The following NUP153 variants were observed in gnomAD, a reference collection of about 807,000 sequenced individuals.
The protein encoded by NUP153 is nucleoporin 153.
Under a neutral mutation model 134.6 loss-of-function variants are expected in NUP153, and 27 were observed. The observed-to-expected ratio is 0.20, with a 90% CI of 0.15 to 0.28. The LOEUF is 0.28. Ranked by LOEUF, NUP153 falls within the 10% of genes least tolerant of loss-of-function variation. NUP153 has a pLI of 1.00. For missense variants in NUP153, 1,821 were observed against 1,731.3 expected (o/e 1.05, Z -0.92); for synonymous variants, 640 against 623.5 (o/e 1.03, Z -0.40).
intron 1 of NUP153, among the ~76,000 whole-genome samples, chr6:17,695,005 A>G (rs1380457233): frequency 6.6e-6 from 1 of 151,862 alleles, no homozygotes; most frequent in Non-Finnish European, 1.5e-5. Flanking sequence ...AGAGAGTGGG[A>G]AGTACTATGG....
In NUP153 at chr6:17,706,077, G is replaced by A. The variant is rs767353244; in HGVS notation, c.111+200C>T. Among the ~76,000 whole-genome samples, 22 of 152,164 alleles carry A rather than the reference G, an allele frequency of 1.4e-4. No homozygotes were observed. Among genetic ancestry groups the A allele is most frequent in the Non-Finnish European group, 2.5e-4 (17 of 68,018 alleles). The stretch of plus-strand genomic sequence containing the variant: ...GGGGGAAAGGCGGCCCAAACCACAC[G>A]TGTGCGCCGCAAGGCTGGGCCTGTC... On this transcript the variant is annotated intron_variant, in intron 1 of 21. Coordinates refer to ENST00000262077, the MANE Select transcript of NUP153 (RefSeq NM_005124.4). This position sits in a 1 kb window ranked among gnomAD's most constrained non-coding sequence, Gnocchi z 5.9.
rs1561856596 is a variant in NUP153 at position 17,628,982 on chromosome 6, C to T, written c.3217G>A (p.Glu1073Lys). The T allele has an allele frequency of 1.2e-6, 2 of 1,614,062 alleles. No individual in the cohort carries two copies. The highest frequency in any genetic ancestry group is 8.5e-7 in the Non-Finnish European group (1 of 1,180,016). ...CCTCCTTTGGTGGCAGGCATTTCTT[C>T]TTTTTTAGCTTCTGATGTCTTACAT... Reference protein sequence around the residue: ...FTCKTSEAKKEEMPATKGGFS... With the variant: ...FTCKTSEAKKKEMPATKGGFS... The change falls in exon 18 of 22, where the codon GAA becomes AAA. Residue 1073 changes from glutamate to lysine, a missense_variant. Transcript: ENST00000262077. The surrounding 1 kb of genome is among the most constrained non-coding windows in gnomAD (Gnocchi z 5.4).
rs1349746993 is a variant in NUP153, at chr6:17,615,545, CT to C, written c.*551del. On this transcript the variant is annotated 3_prime_UTR_variant, in exon 22 of 22. Coordinates refer to ENST00000262077, the MANE Select transcript of NUP153 (RefSeq NM_005124.4). This position sits in a 1 kb window ranked among gnomAD's most constrained non-coding sequence, Gnocchi z 5.7. ...GAGAGTGAACTAGATCTAACAAGTCCTTAGCACGGACCATTCTTTAATCAGG... is the reference window on the plus strand; with the variant it reads ...GAGAGTGAACTAGATCTAACAAGTCCTAGCACGGACCATTCTTTAATCAGG... 1 of 152,586 alleles carries C rather than the reference CT, an allele frequency of 6.6e-6. No homozygotes were observed. The highest frequency in any genetic ancestry group is 1.5e-5 in the Non-Finnish European group (1 of 68,052). 9.5% of individuals were successfully genotyped at this position (152,586 alleles called of 1,614,324 possible). A position where few individuals can be genotyped will look rare whatever the true frequency, so the allele number is the denominator to read the frequency against.
intron 9 of NUP153, among the ~76,000 whole-genome samples, chr6:17,663,845 T>G (rs981656933): frequency 6.6e-6 from 1 of 152,178 alleles, no homozygotes; most frequent in African/African-American, 2.4e-5. Context: ...GGACATTTTA[T>G]AAGACAACTG....
chr6:17,702,518 C>CA (rs762457655), intron 1 of NUP153, among the ~76,000 whole-genome samples: 106 of 149,826 alleles, frequency 7.1e-4, no homozygotes, highest in Non-Finnish European at 1.3e-3. Context: ...AAAAACAAAA[C>CA]AAAAAAAATC....
At chr6:17,669,863 G>A (rs1767787403) in intron 5 of NUP153, among the ~76,000 whole-genome samples, 1 of 151,946 alleles carries the variant, frequency 6.6e-6, no homozygotes, top group African/African-American at 2.4e-5. Context: ...GGAGGTGTGA[G>A]GAGGGCGGAC....
At chr6:17,685,417 C>T (rs1284451378) in intron 2 of NUP153, among the ~76,000 whole-genome samples, 3 of 151,938 alleles carry the variant, frequency 2.0e-5, no homozygotes, top group Non-Finnish European at 4.4e-5. Context: ...GGCCTGGTGG[C>T]GGGCACCTGC....
At chr6:17,623,082 A>G (rs1359603001) in intron 20 of NUP153, among the ~76,000 whole-genome samples, 2 of 151,448 alleles carry the variant, frequency 1.3e-5, no homozygotes, top group Admixed American at 1.3e-4. Flanking sequence ...GTGAGCGGAG[A>G]TCAAGCCACT....
intron 1 of NUP153, among the ~76,000 whole-genome samples, chr6:17,694,830 G>T (rs1041165966): frequency 2.6e-5 from 4 of 151,710 alleles, no homozygotes; most frequent in African/African-American, 9.7e-5. Context: ...TAAAAAAAAA[G>T]TAGCCGGGCA....
In NUP153 at chr6:17,653,036, T is replaced by A. The variant is rs150398806; in HGVS notation, c.1396-3736A>T. On this transcript the variant is annotated intron_variant, in intron 11 of 21. Coordinates refer to ENST00000262077, the MANE Select transcript of NUP153 (RefSeq NM_005124.4). Reference sequence around the variant, plus strand: ...GGTAGGCCGAGGCGGGTGGACTGCCTTAGCTCAGGAGTTTGAGACCAGCCT... The same window carrying A: ...GGTAGGCCGAGGCGGGTGGACTGCCATAGCTCAGGAGTTTGAGACCAGCCT... Among the ~76,000 whole-genome samples, 885 of 152,162 alleles carry A rather than the reference T, an allele frequency of 5.8e-3. 3 individuals carry two copies. The highest frequency in any genetic ancestry group is 0.01 in the Middle Eastern group (3 of 294).
In NUP153 at chr6:17,628,625, T is replaced by A. The variant is rs539204106; in HGVS notation, c.3544+30A>T. On this transcript the variant is annotated intron_variant, in intron 18 of 21. Coordinates refer to ENST00000262077, the MANE Select transcript of NUP153 (RefSeq NM_005124.4). This position sits in a 1 kb window ranked among gnomAD's most constrained non-coding sequence, Gnocchi z 5.4. ...CGACAACTTGTAAAAAAAAAAATAA[T>A]AATAATAATAATAAAAAGTTAATAC... is the stretch of plus-strand genomic sequence containing the variant. 13,422 of 1,163,204 alleles carry A rather than the reference T, an allele frequency of 0.012. 99 individuals carry two copies. Among genetic ancestry groups the A allele is most frequent in the Non-Finnish European group, 0.013 (12,027 of 920,178 alleles). The allele number at this position is 1,163,204 out of a possible 1,614,324, so 72.1% of individuals were successfully genotyped here.
intron 20 of NUP153, among the ~76,000 whole-genome samples, chr6:17,620,185 C>G (rs1451970055): frequency 2.1e-5 from 3 of 146,054 alleles, no homozygotes; most frequent in Non-Finnish European, 4.5e-5. Flanking sequence ...ATAGCTAAAG[C>G]AATCCTGAGC....
In NUP153 at chr6:17,640,065, C is replaced by T. The variant is rs940811696; in HGVS notation, c.1721-1G>A. 1.9e-6 allele frequency: 3 copies of T among 1,540,614 alleles called. No individual in the cohort carries two copies. The highest frequency in any genetic ancestry group is 2.6e-6 in the Non-Finnish European group (3 of 1,147,246). On this transcript the variant is annotated splice_acceptor_variant, in intron 14 of 21. Coordinates refer to ENST00000262077, the MANE Select transcript of NUP153 (RefSeq NM_005124.4). LOFTEE classifies it high-confidence loss of function. ...CTGTTCACTGTAGTGACATGATGAGCTGTAATTTTTTTAAATTTAATAACA... is the reference window on the plus strand; with the variant it reads ...CTGTTCACTGTAGTGACATGATGAGTTGTAATTTTTTTAAATTTAATAACA...
chr6:17,631,569 A>G (rs1051688132), intron 17 of NUP153, among the ~76,000 whole-genome samples: 2 of 152,204 alleles, frequency 1.3e-5, no homozygotes, highest in Admixed American at 1.3e-4. Flanking sequence ...ATTTAGCTAC[A>G]ACTTATAAGT....
chr6:17,641,275 C>A (rs1765823295), intron 14 of NUP153, among the ~76,000 whole-genome samples: 1 of 152,050 alleles, frequency 6.6e-6, no homozygotes, highest in South Asian at 2.1e-4. Context: ...GGGGCCCGTG[C>A]CTGTAATCCC....
chr6:17,681,196 C>T (rs899868476), intron 2 of NUP153, among the ~76,000 whole-genome samples: 1 of 148,010 alleles, frequency 6.8e-6, no homozygotes, highest in Non-Finnish European at 1.5e-5. Flanking sequence ...CACATGTTCT[C>T]AAATGTGACA....
chr6:17,641,463 A>AG (rs761771913), intron 14 of NUP153, among the ~76,000 whole-genome samples: 1 of 151,904 alleles, frequency 6.6e-6, no homozygotes, highest in Non-Finnish European at 1.5e-5. Context: ...TGAACCTGGG[A>AG]GGCGGAGGTT....
chr6:17,673,354 GA>G (rs200517318), intron 5 of NUP153, among the ~76,000 whole-genome samples: 6 of 147,434 alleles, frequency 4.1e-5, no homozygotes, highest in Non-Finnish European at 1.5e-5. Context: ...CTGTCTCAGA[GA>G]AAAAAAAAAT....
Position 17,669,279 on chromosome 6 carries a change from A to G in NUP153, c.1014+14T>C. On this transcript the variant is annotated intron_variant, in intron 7 of 21. Transcript: ENST00000262077. ...TGAACAATATTTTGTAAAAAGGTTT[A>G]AATCTCAACTTACAGAATTCAGAGG... The G allele has an allele frequency of 6.2e-7, 1 of 1,604,550 alleles. No individual in the cohort carries two copies. Among genetic ancestry groups the G allele is most frequent in the Non-Finnish European group, 8.5e-7 (1 of 1,171,732 alleles).
Sources: allele counts gnomAD v4.1 joint callset (sites outside exome capture counted in the v4.1 genomes callset), GRCh38; gene constraint gnomAD v4.1.1; non-coding constraint Gnocchi (gnomAD v3.1); transcripts MANE v1.5; gene names NCBI Gene and HGNC (gene_info 2026-07-23, HGNC 2026-07-21).